The following AHI1 variants were observed in gnomAD, a reference collection of about 807,000 sequenced individuals.
AHI1 encodes the protein jouberin.
A neutral mutation model predicts 149.3 loss-of-function variants in AHI1; 123 were observed. The ratio of observed to expected loss-of-function variants is 0.82; its 90% CI spans 0.71 to 0.96. AHI1 has a LOEUF of 0.96. Ranked by LOEUF, AHI1 falls within the 40% of genes least tolerant of loss-of-function variation. The pLI is 0.00. For synonymous variants in AHI1, 475 were observed against 459.8 expected, an observed-to-expected ratio of 1.03 and a Z score of -0.42; for missense variants, 1,439 against 1,422.7, an observed-to-expected ratio of 1.01 and a Z score of -0.18.
In AHI1 at chr6:135,283,543, G is replaced by A. The variant is rs1781449889; in HGVS notation, c.*2102C>T. The A allele has an allele frequency of 6.6e-6, 1 of 152,146 alleles. No homozygotes were observed. The highest frequency in any genetic ancestry group is 6.5e-5 in the Admixed American group (1 of 15,272). 9.4% of individuals were successfully genotyped at this position (152,146 alleles called of 1,614,324 possible). ...TAAAACAAACCCAATTTGTTATAAG[G>A]AAATGTTTAATGCCGTACATCATCA... On this transcript the variant is annotated 3_prime_UTR_variant, in exon 29 of 29. Coordinates refer to ENST00000265602, the MANE Select transcript of AHI1 (RefSeq NM_001134831.2).
At chr6:135,490,785 C>T (rs768667222) in intron 4 of AHI1, 38 bp from the exon 5 acceptor site, 22 of 1,606,610 alleles carry the variant, frequency 1.4e-5, no homozygotes, top group South Asian at 4.5e-5. Flanking sequence ...GTAAATGACT[C>T]TATCATAACA....
At chr6:135,426,537 T>C (rs569578675) in intron 20 of AHI1, among the ~76,000 whole-genome samples, 28 of 151,690 alleles carry the variant, frequency 1.8e-4, no homozygotes, top group African/African-American at 4.8e-4. Context: ...CAATACTATA[T>C]GAAGAAAATA....
intron 8 of AHI1, among the ~76,000 whole-genome samples, chr6:135,461,613 C>T (rs151175147): frequency 2.6e-5 from 4 of 151,980 alleles, no homozygotes; most frequent in South Asian, 2.1e-4. Flanking sequence ...TTACCAAATA[C>T]GTGACTGCAA....
intron 15 of AHI1, among the ~76,000 whole-genome samples, chr6:135,434,066 T>A (rs550147990): frequency 6.6e-6 from 1 of 152,176 alleles, no homozygotes; most frequent in African/African-American, 2.4e-5. Context: ...CATTGGATTT[T>A]TAAATATATT....
At chr6:135,324,092 G>A (rs1787279683) in intron 24 of AHI1, among the ~76,000 whole-genome samples, 3 of 152,334 alleles carry the variant, frequency 2.0e-5, no homozygotes. Context: ...GGCCGAGGCA[G>A]GAGGACTGCT....
intron 15 of AHI1, among the ~76,000 whole-genome samples, chr6:135,434,838 A>T (rs535069662): frequency 6.6e-6 from 1 of 152,286 alleles, no homozygotes; most frequent in Non-Finnish European, 1.5e-5. Context: ...AAAAGGGAAT[A>T]GTGGGCACAT....
intron 17 of AHI1, among the ~76,000 whole-genome samples, chr6:135,430,331 T>C (rs1407342297): frequency 2.0e-5 from 3 of 151,924 alleles, no homozygotes; most frequent in African/African-American, 7.2e-5. Context: ...TTTAAAATCA[T>C]GTAAGAAGCT....
In AHI1 at chr6:135,361,714, A is replaced by G. The variant is rs147247862; in HGVS notation, c.3110-3527T>C. Among the ~76,000 whole-genome samples the G allele has an allele frequency of 4.7e-4, 71 of 151,582 alleles. 1 individual carries two copies. The highest frequency in any genetic ancestry group is 1.6e-3 in the African/African-American group (66 of 41,318). Reference sequence around the variant, plus strand: ...ACACACGTGTGTATATTTATACTCTAAAGGAATATAAATTTTTCATTTTCT... The same window carrying G: ...ACACACGTGTGTATATTTATACTCTGAAGGAATATAAATTTTTCATTTTCT... On this transcript the variant is annotated intron_variant, in intron 23 of 28. Transcript: ENST00000265602.
chr6:135,293,391 G>GT (rs1782603281), intron 27 of AHI1, among the ~76,000 whole-genome samples: 1 of 70,002 alleles, frequency 1.4e-5, no homozygotes, highest in Non-Finnish European at 2.5e-5. Context: ...TGTTAACAGG[G>GT]CAAAAAAAAA....
chr6:135,476,216 CTGGGGTCTTATTGAACTTCCAAATATT>C, intron 5 of AHI1, among the ~76,000 whole-genome samples: 1 of 152,182 alleles, frequency 6.6e-6, no homozygotes, highest in Non-Finnish European at 1.5e-5. Context: ...ATACATTGAT[CTGGGGTCTTATTGAACTTCCAAATATT>C]TGGTGATACT....
chr6:135,480,011 C>A (rs1793352887), intron 5 of AHI1, among the ~76,000 whole-genome samples: 1 of 152,152 alleles, frequency 6.6e-6, no homozygotes, highest in Admixed American at 6.5e-5. Context: ...TGTCTGGAAG[C>A]CTCCCCAGCC....
At chr6:135,330,721 T>C (rs1413965371) in intron 24 of AHI1, among the ~76,000 whole-genome samples, 1 of 152,190 alleles carries the variant, frequency 6.6e-6, no homozygotes, top group South Asian at 2.1e-4. Context: ...ACCATTCAGT[T>C]AGGATTATTC....
chr6:135,445,554 A>T (rs889243882), intron 13 of AHI1, among the ~76,000 whole-genome samples: 2 of 151,946 alleles, frequency 1.3e-5, no homozygotes, highest in Middle Eastern at 3.4e-3. Flanking sequence ...ACATCAAAAA[A>T]TTTTTTTTTA....
Position 135,284,314 on chromosome 6 carries a change from A to C in AHI1, c.*1331T>G, listed in dbSNP as rs1781488339. On this transcript the variant is annotated 3_prime_UTR_variant, in exon 29 of 29. Coordinates refer to ENST00000265602, the MANE Select transcript of AHI1 (RefSeq NM_001134831.2). Reference sequence around the variant, plus strand: ...ATATTTTTATTAGAAGATATTTCACACTGGGTATACATCTGGGCAAAATTT... The same window carrying C: ...ATATTTTTATTAGAAGATATTTCACCCTGGGTATACATCTGGGCAAAATTT... 1 of 152,220 alleles carries C rather than the reference A, an allele frequency of 6.6e-6. No individual in the cohort carries two copies. The highest frequency in any genetic ancestry group is 2.4e-5 in the African/African-American group (1 of 41,452). The allele number at this position is 152,220 out of a possible 1,614,324, so 9.4% of individuals were successfully genotyped here. A position where few individuals can be genotyped will look rare whatever the true frequency, so the allele number is the denominator to read the frequency against.
intron 5 of AHI1, among the ~76,000 whole-genome samples, chr6:135,487,446 G>C (rs1794641824): frequency 6.6e-6 from 1 of 151,860 alleles, no homozygotes; most frequent in Admixed American, 6.6e-5. Flanking sequence ...GAATTATTCT[G>C]GACATATATA....
intron 5 of AHI1, among the ~76,000 whole-genome samples, chr6:135,471,668 GT>G (rs11290317): frequency 0.99 from 149,915 of 151,756 alleles, 74,062 homozygotes; most frequent in East Asian, 1. Context: ...AATGATTCAG[GT>G]TTTTTTTTGC....
chr6:135,471,968 C>T (rs1242599339), intron 5 of AHI1, among the ~76,000 whole-genome samples: 3 of 125,082 alleles, frequency 2.4e-5, no homozygotes, highest in Admixed American at 1.1e-4. Context: ...GCCGAGATTG[C>T]GCCACTGCAG....
intron 20 of AHI1, among the ~76,000 whole-genome samples, chr6:135,424,593 A>G (rs962884891): frequency 1.3e-5 from 2 of 152,032 alleles, no homozygotes; most frequent in African/African-American, 4.8e-5. Flanking sequence ...AGTAAAAATC[A>G]TATTTCTTAC....
At chr6:135,345,638 T>C (rs1207051348) in intron 24 of AHI1, among the ~76,000 whole-genome samples, 1 of 152,002 alleles carries the variant, frequency 6.6e-6, no homozygotes, top group East Asian at 1.9e-4. Flanking sequence ...GAAAGTTGAT[T>C]AGTAGTTGTT....
Sources: gnomAD v4.1 joint callset for allele counts (sites outside exome capture counted in the v4.1 genomes callset) on GRCh38, gnomAD v4.1.1 for gene constraint, MANE v1.5 for transcripts, NCBI Gene and HGNC (gene_info 2026-07-23, HGNC 2026-07-21) for gene names.